Variants in ADAMTSL1 observed in about 807,000 individuals in gnomAD.
ADAMTSL1 encodes the protein ADAMTS like 1.
A neutral mutation model predicts 201.8 loss-of-function variants in ADAMTSL1; 126 were observed. That is an observed-to-expected ratio of 0.62 (90% CI 0.54 to 0.72). The LOEUF (loss-of-function observed/expected upper bound fraction) is 0.72, where lower values mean the gene tolerates loss of function less well. ADAMTSL1 is among the 30% of genes least tolerant of loss of function. ADAMTSL1 has a pLI of 0.00. For synonymous variants in ADAMTSL1, 1,121 were observed against 903.4 expected (o/e 1.24, Z -4.32); for missense variants, 2,679 against 2,277.8 (o/e 1.18, Z -3.59).
At position 18,438,926 on chromosome 9, in the gene ADAMTSL1, C is replaced by T. The variant is rs748500135; in HGVS notation, c.208-65903C>T. On this transcript the variant is annotated intron_variant, in intron 2 of 29. Transcript: ENST00000680146. Reference sequence around the variant, plus strand: ...ATTCACACCGGCTTAGCTCCAGTCCCGAGCCTTTGTCCCCCACCCGCATTT... The same window carrying T: ...ATTCACACCGGCTTAGCTCCAGTCCTGAGCCTTTGTCCCCCACCCGCATTT... 3.9e-5 allele frequency among the ~76,000 whole-genome samples: 6 copies of T among 152,236 alleles called. No homozygotes were observed. In the East Asian group the frequency reaches 7.7e-4, roughly 20 times the overall value.
chr9:18,622,845 T>G, intron 5 of ADAMTSL1, among the ~76,000 whole-genome samples: 1 of 152,190 alleles, frequency 6.6e-6, no homozygotes, highest in East Asian at 1.9e-4. Flanking sequence ...GGGCAGTGAT[T>G]ACGTGACGTT....
intron 3 of ADAMTSL1, among the ~76,000 whole-genome samples, chr9:18,544,771 A>G (rs975814733): frequency 3.3e-5 from 5 of 152,330 alleles, no homozygotes; most frequent in African/African-American, 4.8e-5. Context: ...ATTTCCCTCA[A>G]TATTGCCATG....
At chr9:18,240,561 G>C (rs1433659730) in intron 2 of ADAMTSL1, among the ~76,000 whole-genome samples, 1 of 152,084 alleles carries the variant, frequency 6.6e-6, no homozygotes, top group African/African-American at 2.4e-5. Flanking sequence ...CATAACAAGA[G>C]AGTTAGACTG....
At chr9:18,630,559 T>A (rs556216314) in intron 5 of ADAMTSL1, among the ~76,000 whole-genome samples, 1 of 152,150 alleles carries the variant, frequency 6.6e-6, no homozygotes, top group African/African-American at 2.4e-5. Context: ...GCTCTACAGG[T>A]CTTCATACTT....
At chr9:18,126,519 T>C (rs1194618630) in intron 1 of ADAMTSL1, among the ~76,000 whole-genome samples, 1 of 152,236 alleles carries the variant, frequency 6.6e-6, no homozygotes, top group Non-Finnish European at 1.5e-5. Flanking sequence ...CCTTACTTAT[T>C]GTTGCATGCA....
rs190489013 is a variant in ADAMTSL1 at position 17,985,684 on chromosome 9, G to A, written c.87+78762G>A. Among the ~76,000 whole-genome samples, 379 of 152,104 alleles carry A rather than the reference G, an allele frequency of 2.5e-3. 8 individuals are homozygous for A. Among genetic ancestry groups the A allele is most frequent in the Admixed American group, 0.023 (346 of 15,274 alleles). On this transcript the variant is annotated intron_variant, in intron 1 of 29. Transcript: ENST00000680146. ...ATTACATAATTATACACAGAATTCC[G>A]CAATCTCTAAATATCACATGGGAAG... is the stretch of plus-strand genomic sequence containing the variant.
At chr9:18,437,895 C>G (rs1024454404) in intron 2 of ADAMTSL1, among the ~76,000 whole-genome samples, 1 of 152,048 alleles carries the variant, frequency 6.6e-6, no homozygotes, top group African/African-American at 2.4e-5. Flanking sequence ...GACTTATGCC[C>G]CCAGCTGTTA....
chr9:18,262,101 T>G (rs1220041207), intron 2 of ADAMTSL1, among the ~76,000 whole-genome samples: 1 of 152,240 alleles, frequency 6.6e-6, no homozygotes, highest in Admixed American at 6.5e-5. Context: ...TTTGACTAAT[T>G]TGATAGATAT....
At chr9:18,269,162 A>T (rs1226761188) in intron 2 of ADAMTSL1, among the ~76,000 whole-genome samples, 3 of 152,128 alleles carry the variant, frequency 2.0e-5, no homozygotes, top group Non-Finnish European at 4.4e-5. Flanking sequence ...TATTCTATAA[A>T]GTAATGTGAT....
At chr9:18,379,800 A>C (rs1169414997) in intron 2 of ADAMTSL1, among the ~76,000 whole-genome samples, 2 of 152,248 alleles carry the variant, frequency 1.3e-5, no homozygotes, top group Admixed American at 6.5e-5. Context: ...AATTACTGTA[A>C]GAAGGTGTAA....
chr9:18,269,732 T>C (rs955902948), intron 2 of ADAMTSL1, among the ~76,000 whole-genome samples: 3 of 152,132 alleles, frequency 2.0e-5, no homozygotes, highest in African/African-American at 7.2e-5. Context: ...TGCAGTTTTG[T>C]TTGGGTGATA....
chr9:18,782,962 G>A (rs926592698), intron 19 of ADAMTSL1, among the ~76,000 whole-genome samples: 2 of 152,176 alleles, frequency 1.3e-5, no homozygotes, highest in Non-Finnish European at 2.9e-5. Context: ...GAAGGGGTTC[G>A]GGTTTTACAC....
chr9:18,862,243 G>A (rs1827258262), intron 23 of ADAMTSL1, among the ~76,000 whole-genome samples: 1 of 152,148 alleles, frequency 6.6e-6, no homozygotes, highest in Non-Finnish European at 1.5e-5. Flanking sequence ...TTTTGTGTTG[G>A]GGTAAAGGGC....
At chr9:18,818,975 G>A (rs7021465) in intron 21 of ADAMTSL1, among the ~76,000 whole-genome samples, 122,235 of 151,966 alleles carry the variant, frequency 0.8, 49,197 homozygotes, top group South Asian at 0.82. Flanking sequence ...CCTGACAGGG[G>A]TTGGCATGAA....
intron 20 of ADAMTSL1, among the ~76,000 whole-genome samples, chr9:18,811,012 C>CAAAAAAAAA (rs76456235): frequency 1.1e-3 from 43 of 38,776 alleles, no homozygotes; most frequent in East Asian, 4.0e-3. Flanking sequence ...CAATGAGTAC[C>CAAAAAAAAA]AAAAAAAAAA....
At chr9:18,247,571 A>G (rs1387971982) in intron 2 of ADAMTSL1, among the ~76,000 whole-genome samples, 1 of 152,218 alleles carries the variant, frequency 6.6e-6, no homozygotes, top group Non-Finnish European at 1.5e-5. Context: ...TCAGGGAACA[A>G]TGGGAAATGA....
intron 2 of ADAMTSL1, among the ~76,000 whole-genome samples, chr9:18,346,876 G>A (rs4961639): frequency 0.29 from 44,643 of 152,038 alleles, 7,130 homozygotes; most frequent in East Asian, 0.47. Context: ...TCCCAAAACA[G>A]GAGATGATCT....
At chr9:18,474,074 ATC>A, upstream of ADAMTSL1, 8 of 410,544 alleles carry the variant, frequency 1.9e-5, no homozygotes, top group Non-Finnish European at 2.7e-5. Flanking sequence ...CCCCCCACCC[ATC>A]CACCCACCCA....
chr9:18,378,349 G>A (rs567695122), intron 2 of ADAMTSL1, among the ~76,000 whole-genome samples: 2 of 152,340 alleles, frequency 1.3e-5, no homozygotes, highest in South Asian at 2.1e-4. Flanking sequence ...TGTAATGAGA[G>A]TAAGCAAGTA....
Sources: gnomAD v4.1 joint callset for allele counts (sites outside exome capture counted in the v4.1 genomes callset) on GRCh38, gnomAD v4.1.1 for gene constraint, MANE v1.5 for transcripts, NCBI Gene and HGNC (gene_info 2026-07-23, HGNC 2026-07-21) for gene names.